Variants in COL6A5 observed in about 807,000 individuals in gnomAD.
COL6A5 encodes the protein collagen type VI alpha 5 chain.
A neutral mutation model predicts 65.6 loss-of-function variants in COL6A5; 48 were observed. The ratio of observed to expected loss-of-function variants is 0.73; its 90% CI spans 0.58 to 0.93. COL6A5 has a LOEUF of 0.93. COL6A5 is among the 40% of genes least tolerant of loss of function. COL6A5 has a pLI of 0.00. For missense variants in COL6A5, 914 were observed against 928.3 expected (o/e 0.98, Z 0.20); for synonymous variants, 291 against 322.8 (o/e 0.90, Z 1.05).
At chr3:130,403,229 T>C (rs1278143466) in intron 12 of COL6A5, among the ~76,000 whole-genome samples, 3 of 152,220 alleles carry the variant, frequency 2.0e-5, no homozygotes, top group African/African-American at 7.2e-5. Context: ...GCTCTCAAAA[T>C]AGCAGGACAA....
At chr3:130,388,438 A>G (rs569093629) in intron 5 of COL6A5, 142 bp from the exon 6 acceptor site, 2 of 709,060 alleles carry the variant, frequency 2.8e-6, no homozygotes, top group Admixed American at 3.3e-5. Flanking sequence ...TAAAGAAGCA[A>G]ATACAATTTT....
intron 5 of COL6A5, among the ~76,000 whole-genome samples, chr3:130,387,575 G>T (rs1050402419): frequency 6.6e-6 from 1 of 152,010 alleles, no homozygotes; most frequent in African/African-American, 2.4e-5. Context: ...TTAAAATGGT[G>T]GTGTAGTCCT....
chr3:130,363,745 C>T (rs1321287497), intron 1 of COL6A5, among the ~76,000 whole-genome samples: 3 of 152,098 alleles, frequency 2.0e-5, no homozygotes, highest in Non-Finnish European at 4.4e-5. Flanking sequence ...AGTGTGGGTG[C>T]CACTTTAACA....
intron 1 of COL6A5, among the ~76,000 whole-genome samples, chr3:130,358,121 G>A (rs1220493768): frequency 3.3e-5 from 5 of 151,918 alleles, no homozygotes; most frequent in African/African-American, 9.7e-5. Flanking sequence ...CCTGGGAGGC[G>A]GAGCTTGCAG....
intron 1 of COL6A5, among the ~76,000 whole-genome samples, chr3:130,438,286 C>T (rs1385446131): frequency 5.3e-5 from 8 of 152,266 alleles, no homozygotes; most frequent in South Asian, 2.1e-4. Context: ...TGAGTCACCA[C>T]GCCAGGCCAA....
At chr3:130,366,530 C>T (rs1007972058) in intron 1 of COL6A5, among the ~76,000 whole-genome samples, 1 of 152,178 alleles carries the variant, frequency 6.6e-6, no homozygotes, top group African/African-American at 2.4e-5. Context: ...TTATAGATTA[C>T]AGAAGCAAGT....
intron 7 of COL6A5, 25 bp downstream of exon 7, chr3:130,391,779 T>TA: frequency 6.7e-7 from 1 of 1,490,324 alleles, no homozygotes; most frequent in South Asian, 1.3e-5. Context: ...TTAAAGTTTC[T>TA]ATGGGGGTAG....
At chr3:130,391,992 G>A (rs1015734569) in intron 7 of COL6A5, among the ~76,000 whole-genome samples, 1 of 152,114 alleles carries the variant, frequency 6.6e-6, no homozygotes, top group Non-Finnish European at 1.5e-5. Flanking sequence ...TGCATTCCGT[G>A]GCATTTTACT....
intron 4 of COL6A5, among the ~76,000 whole-genome samples, chr3:130,452,448 G>A (rs534584423): frequency 1.2e-4 from 18 of 152,258 alleles, no homozygotes; most frequent in African/African-American, 3.9e-4. Context: ...CTGGGCATCC[G>A]GGGGAGACAT....
intron 6 of COL6A5, among the ~76,000 whole-genome samples, chr3:130,470,316 C>T (rs921960794): frequency 2.6e-5 from 4 of 152,074 alleles, no homozygotes; most frequent in African/African-American, 7.2e-5. Context: ...TGAATGGTCT[C>T]TGCAGCTCCT....
At chr3:130,451,486 G>A (rs192557778) in intron 4 of COL6A5, among the ~76,000 whole-genome samples, 13 of 152,214 alleles carry the variant, frequency 8.5e-5, no homozygotes, top group Admixed American at 8.5e-4. Context: ...TTGAGGAACC[G>A]AAACGACAGA....
chr3:130,376,521 C>T (rs1191567259), exon 3 of COL6A5: 10 of 1,605,564 alleles, frequency 6.2e-6, no homozygotes, highest in Non-Finnish European at 7.7e-6. Context: ...TCAGGAGGCT[C>T]ATAGGACCTA....
exon 3 of COL6A5, chr3:130,440,763 T>C (rs765361176): frequency 6.2e-7 from 1 of 1,613,310 alleles, no homozygotes. Context: ...CTTGGGAGAA[T>C]ACATAAACCA....
At chr3:130,478,748 T>G (rs1371428228) in intron 7 of COL6A5, among the ~76,000 whole-genome samples, 1 of 152,066 alleles carries the variant, frequency 6.6e-6, no homozygotes, top group Non-Finnish European at 1.5e-5. Flanking sequence ...GTAGTCCTTC[T>G]TTAATCAAAG....
At chr3:130,350,695 T>A (rs1934670307) in intron 1 of COL6A5, among the ~76,000 whole-genome samples, 1 of 152,192 alleles carries the variant, frequency 6.6e-6, no homozygotes, top group Non-Finnish European at 1.5e-5. Flanking sequence ...TCCATGCTCA[T>A]GGATAGGAAG....
intron 2 of COL6A5, 57 bp from the exon 35 acceptor site, chr3:130,440,109 C>T: frequency 7.2e-7 from 1 of 1,396,032 alleles, no homozygotes; most frequent in South Asian, 1.4e-5. Context: ...AGATCTCAAA[C>T]AAGTGTCTTG....
intron 28 of COL6A5, among the ~76,000 whole-genome samples, chr3:130,423,268 T>A (rs979690475): frequency 6.6e-6 from 1 of 152,076 alleles, no homozygotes; most frequent in Non-Finnish European, 1.5e-5. Context: ...CAAAATCGAA[T>A]ATTATGCTTA....
At chr3:130,430,634 A>G (rs950957589), upstream of COL6A5, among the ~76,000 whole-genome samples, 1 of 152,248 alleles carries the variant, frequency 6.6e-6, no homozygotes, top group Non-Finnish European at 1.5e-5. Context: ...GTATTGAGCT[A>G]GGAATGGCAG....
chr3:130,456,721 G>A (rs1709581317), intron 5 of COL6A5, among the ~76,000 whole-genome samples: 1 of 152,062 alleles, frequency 6.6e-6, no homozygotes, highest in Non-Finnish European at 1.5e-5. Flanking sequence ...AGCATTTTAA[G>A]CACTGTTCCA....
Sources: allele counts gnomAD v4.1 joint callset (sites outside exome capture counted in the v4.1 genomes callset), GRCh38; gene constraint gnomAD v4.1.1; transcripts MANE v1.5; gene names NCBI Gene and HGNC (gene_info 2026-07-23, HGNC 2026-07-21).